Variants in ST6GALNAC3 observed in about 807,000 individuals in gnomAD.
The protein encoded by ST6GALNAC3 is alpha-N-acetylgalactosaminide alpha-2,6-sialyltransferase 3.
In ST6GALNAC3, 25 loss-of-function variants were observed where a neutral mutation model predicts 32.7. The ratio of observed to expected loss-of-function variants is 0.76; its 90% confidence interval spans 0.56 to 1.07. The LOEUF (loss-of-function observed/expected upper bound fraction) is 1.07, where lower values mean the gene tolerates loss of function less well. Ranked by LOEUF, ST6GALNAC3 falls within the 50% of genes least tolerant of loss-of-function variation. The probability of loss-of-function intolerance (pLI) is 0.00; values close to 1 mark genes in which losing one functional copy is unlikely to be tolerated. For missense variants in ST6GALNAC3, 355 were observed against 382.4 expected, an observed-to-expected ratio of 0.93 and a Z score of 0.60; for synonymous variants, 129 against 133.1, an observed-to-expected ratio of 0.97 and a Z score of 0.21.
At chr1:76,383,106 C>T (rs10747346) in intron 2 of ST6GALNAC3, among the ~76,000 whole-genome samples, 44,006 of 152,040 alleles carry the variant, frequency 0.29, 7,710 homozygotes, top group East Asian at 0.6. Flanking sequence ...ATCCAGAAGT[C>T]GATGAAGTGG....
intron 1 of ST6GALNAC3, among the ~76,000 whole-genome samples, chr1:76,114,696 G>A (rs935401529): frequency 6.6e-6 from 1 of 152,066 alleles, no homozygotes; most frequent in South Asian, 2.1e-4. Context: ...ATCATTTGAG[G>A]TCAGGAGTTC....
chr1:76,265,740 G>T (rs544329073), intron 1 of ST6GALNAC3, among the ~76,000 whole-genome samples: 1 of 152,126 alleles, frequency 6.6e-6, no homozygotes, highest in African/African-American at 2.4e-5. Flanking sequence ...TAATTGTAAG[G>T]ATTAAATGAA....
chr1:76,312,190 A>C (rs1339089036), intron 1 of ST6GALNAC3, among the ~76,000 whole-genome samples: 1 of 152,202 alleles, frequency 6.6e-6, no homozygotes, highest in Non-Finnish European at 1.5e-5. Context: ...AGGATTCCCT[A>C]ATTAACAAAT....
intron 2 of ST6GALNAC3, among the ~76,000 whole-genome samples, chr1:76,327,275 CGTGT>C (rs3079480): frequency 0.02 from 2,835 of 138,608 alleles, 28 homozygotes; most frequent in East Asian, 0.054. Context: ...TGTATATATG[CGTGT>C]GTGTGTGTGT....
intron 3 of ST6GALNAC3, among the ~76,000 whole-genome samples, chr1:76,458,773 T>C (rs1301543272): frequency 6.7e-6 from 1 of 149,814 alleles, no homozygotes; most frequent in Non-Finnish European, 1.5e-5. Context: ...TTGGGAGATA[T>C]ACCTAATGCC....
chr1:76,486,147 T>C (rs1660096183), intron 3 of ST6GALNAC3, among the ~76,000 whole-genome samples: 1 of 152,252 alleles, frequency 6.6e-6, no homozygotes, highest in Non-Finnish European at 1.5e-5. Flanking sequence ...CTTCCAACTA[T>C]GTGGTCAATT....
intron 3 of ST6GALNAC3, among the ~76,000 whole-genome samples, chr1:76,608,319 G>A (rs1242470662): frequency 6.6e-6 from 1 of 152,096 alleles, no homozygotes; most frequent in African/African-American, 2.4e-5. Flanking sequence ...TCTATTATAT[G>A]ACAAGTATTA....
In ST6GALNAC3 at chr1:76,631,315, AAAC is replaced by A. The variant is rs1245753329; in HGVS notation, c.*2512_*2514del. On this transcript the variant is annotated 3_prime_UTR_variant, in exon 5 of 5. Coordinates refer to ENST00000328299, the MANE Select transcript of ST6GALNAC3 (RefSeq NM_152996.4). ...ACAAACAGGAAACAAAAAAAAAAAA[AAAC>A]AAGTTTTTCTCAATTTGGAGACTCA... The A allele has an allele frequency of 1.3e-5, 2 of 151,716 alleles. No homozygotes were observed. The highest frequency in any genetic ancestry group is 2.9e-5 in the Non-Finnish European group (2 of 68,064). The allele number at this position is 151,716 out of a possible 1,614,324, so 9.4% of individuals were successfully genotyped here.
intron 2 of ST6GALNAC3, among the ~76,000 whole-genome samples, chr1:76,396,696 T>G (rs534411953): frequency 6.6e-6 from 1 of 152,320 alleles, no homozygotes; most frequent in Non-Finnish European, 1.5e-5. Context: ...TTGCTCTTTA[T>G]CAAAATGATC....
intron 3 of ST6GALNAC3, among the ~76,000 whole-genome samples, chr1:76,536,790 T>A (rs552417085): frequency 9.2e-5 from 14 of 152,146 alleles, no homozygotes; most frequent in African/African-American, 3.4e-4. Flanking sequence ...GAGCTAACTA[T>A]TCTAAATATA....
intron 2 of ST6GALNAC3, among the ~76,000 whole-genome samples, chr1:76,341,615 T>TTC (rs1400520961): frequency 1.9e-5 from 2 of 107,884 alleles, no homozygotes; most frequent in Admixed American, 1.9e-4. Flanking sequence ...TTTTCTTTCT[T>TTC]TCTTTCTTTC....
intron 1 of ST6GALNAC3, among the ~76,000 whole-genome samples, chr1:76,138,895 TA>T (rs1358184119): frequency 6.6e-6 from 1 of 152,016 alleles, no homozygotes; most frequent in Non-Finnish European, 1.5e-5. Context: ...AGGAGGAGTT[TA>T]AAAAAATCTA....
intron 1 of ST6GALNAC3, among the ~76,000 whole-genome samples, chr1:76,244,627 A>G (rs1657154399): frequency 6.6e-6 from 1 of 152,152 alleles, no homozygotes; most frequent in South Asian, 2.1e-4. Flanking sequence ...GTCAATACCT[A>G]GTTTATTGAG....
chr1:76,542,913 T>C (rs1053619111), intron 3 of ST6GALNAC3, among the ~76,000 whole-genome samples: 1 of 152,280 alleles, frequency 6.6e-6, no homozygotes, highest in Admixed American at 6.5e-5. Flanking sequence ...TCACTGTTTG[T>C]GCCTTGTTTT....
intron 3 of ST6GALNAC3, among the ~76,000 whole-genome samples, chr1:76,458,733 T>G (rs1291696504): frequency 2.4e-5 from 2 of 81,686 alleles, no homozygotes; most frequent in African/African-American, 5.0e-5. Context: ...TGGGGACTGT[T>G]GTGGGGTGGG....
intron 1 of ST6GALNAC3, among the ~76,000 whole-genome samples, chr1:76,083,677 G>A (rs1646928709): frequency 6.6e-6 from 1 of 152,128 alleles, no homozygotes; most frequent in South Asian, 2.1e-4. Flanking sequence ...AAAGAAACAT[G>A]TAGAATTTAA....
At chr1:76,251,401 G>A (rs1318516028) in intron 1 of ST6GALNAC3, among the ~76,000 whole-genome samples, 1 of 152,014 alleles carries the variant, frequency 6.6e-6, no homozygotes, top group Non-Finnish European at 1.5e-5. Context: ...TTATTCTTCA[G>A]TGCCTGGAGA....
rs2100738823 is a variant in ST6GALNAC3 at position 76,630,663 on chromosome 1, T to G, written c.*1857T>G. 1 of 985,710 alleles carries G rather than the reference T, an allele frequency of 1.0e-6. No individual in the cohort carries two copies. The highest frequency in any genetic ancestry group is 4.7e-5 in the South Asian group (1 of 21,290). 61.1% of individuals were successfully genotyped at this position (985,710 alleles called of 1,614,324 possible). A position where few individuals can be genotyped will look rare whatever the true frequency, so the allele number is the denominator to read the frequency against. On this transcript the variant is annotated 3_prime_UTR_variant, in exon 5 of 5. Transcript: ENST00000328299. ...TGAGCTATCATTAAAGTGTGCCATC[T>G]TGGATAAAGGCCTTTTGCCTACTCT...
intron 3 of ST6GALNAC3, among the ~76,000 whole-genome samples, chr1:76,416,542 TA>T (rs1654636841): frequency 6.6e-6 from 1 of 151,666 alleles, no homozygotes; most frequent in African/African-American, 2.4e-5. Context: ...GCTTGCTTCT[TA>T]AAATTGTAAA....
Sources: allele counts gnomAD v4.1 joint callset (sites outside exome capture counted in the v4.1 genomes callset), GRCh38; gene constraint gnomAD v4.1.1; transcripts MANE v1.5; gene names NCBI Gene and HGNC (gene_info 2026-07-23, HGNC 2026-07-21).